The following SLC36A1 variants were observed in gnomAD, a reference collection of about 807,000 sequenced individuals.
SLC36A1 encodes the protein proton-coupled amino acid transporter 1.
A neutral mutation model predicts 47.5 loss-of-function variants in SLC36A1; 30 were observed. The observed-to-expected ratio is 0.63, with a 90% CI of 0.47 to 0.86. The LOEUF (loss-of-function observed/expected upper bound fraction) is 0.86. Ranked by LOEUF, SLC36A1 falls within the 40% of genes least tolerant of loss-of-function variation. SLC36A1 has a pLI of 0.00. For synonymous variants in SLC36A1, 255 were observed against 249.7 expected, an observed-to-expected ratio of 1.02 and a Z score of -0.20; for missense variants, 517 against 606.0, an observed-to-expected ratio of 0.85 and a Z score of 1.54.
At chr5:151,458,341 T>TA (rs1561738201) in intron 1 of SLC36A1, among the ~76,000 whole-genome samples, 7,064 of 108,100 alleles carry the variant, frequency 0.065, 641 homozygotes, top group African/African-American at 0.2. Flanking sequence ...TATGGGATAT[T>TA]TATATATATA....
chr5:151,433,245 T>TATA (rs1554105159), upstream of SLC36A1, among the ~76,000 whole-genome samples: 7 of 13,374 alleles, frequency 5.2e-4, no homozygotes, highest in East Asian at 9.1e-3. Context: ...TATATATATA[T>TATA]ATATATATAT....
the SLC36A1 span, among the ~76,000 whole-genome samples, chr5:151,533,768 A>G: frequency 1.3e-5 from 2 of 151,914 alleles, no homozygotes; most frequent in Non-Finnish European, 2.9e-5. Flanking sequence ...ATATATATAT[A>G]TCACATTAAT....
At chr5:151,418,449 G>T in the SLC36A1 span, among the ~76,000 whole-genome samples, 1 of 152,220 alleles carries the variant, frequency 6.6e-6, no homozygotes, top group Admixed American at 6.5e-5. Flanking sequence ...AAGACCATAG[G>T]AACCTACCAC....
chr5:151,363,902 T>G, the SLC36A1 span, among the ~76,000 whole-genome samples: 1 of 152,172 alleles, frequency 6.6e-6, no homozygotes, highest in Non-Finnish European at 1.5e-5. Context: ...GCAGAGATGA[T>G]TAGTGTCACA....
the SLC36A1 span, among the ~76,000 whole-genome samples, chr5:151,554,835 C>T: frequency 6.6e-6 from 1 of 152,058 alleles, no homozygotes; most frequent in Admixed American, 6.5e-5. Context: ...GGCAACTTTG[C>T]CCCTGGGAAA....
upstream of SLC36A1, among the ~76,000 whole-genome samples, chr5:151,433,267 T>TATATA (rs1421061752): frequency 6.5e-4 from 5 of 7,650 alleles, no homozygotes; most frequent in African/African-American, 1.5e-3. Context: ...TATATATATA[T>TATATA]TTTTTTTTTT....
At chr5:151,515,944 C>T in the SLC36A1 span, among the ~76,000 whole-genome samples, 1 of 152,210 alleles carries the variant, frequency 6.6e-6, no homozygotes, top group East Asian at 1.9e-4. Flanking sequence ...CCTACAAGAC[C>T]TTCATAGATA....
At chr5:151,464,389 A>T in intron 3 of SLC36A1, 125 bp from the exon 4 acceptor site, 1 of 758,594 alleles carries the variant, frequency 1.3e-6, no homozygotes, top group Non-Finnish European at 2.3e-6. Flanking sequence ...TGCTGGGCCC[A>T]AAGTTTTGTC....
chr5:151,497,301 A>G (rs1760373853), downstream of SLC36A1, among the ~76,000 whole-genome samples: 2 of 152,174 alleles, frequency 1.3e-5, no homozygotes, highest in Non-Finnish European at 2.9e-5. Context: ...AAAATCATGA[A>G]TGAGTACTGA....
chr5:151,350,110 C>T, the SLC36A1 span, among the ~76,000 whole-genome samples: 1 of 145,204 alleles, frequency 6.9e-6, no homozygotes, highest in East Asian at 1.9e-4. Flanking sequence ...ATTCATCACC[C>T]TATCCTCACC....
At chr5:151,347,475 C>A in the SLC36A1 span, 1 of 1,613,312 alleles carries the variant, frequency 6.2e-7, no homozygotes, top group South Asian at 1.1e-5. Context: ...GCTTAAGAAA[C>A]AAGGAGCTCG....
the SLC36A1 span, chr5:151,347,497 A>G: frequency 6.2e-7 from 1 of 1,611,640 alleles, no homozygotes; most frequent in African/African-American, 1.3e-5. Flanking sequence ...GGTGACAAAG[A>G]GGTCTGCTCT....
At chr5:151,543,900 T>G in the SLC36A1 span, 2 of 1,614,214 alleles carry the variant, frequency 1.2e-6, no homozygotes, top group Non-Finnish European at 1.7e-6. Flanking sequence ...GGGAGGTGTC[T>G]CTGCTGTCAG....
chr5:151,512,170 C>G, the SLC36A1 span: 1 of 1,611,612 alleles, frequency 6.2e-7, no homozygotes, highest in Non-Finnish European at 8.5e-7. The surrounding 1 kb of genome is among the most constrained non-coding windows in gnomAD (Gnocchi z 4.1). Context: ...CTCACCTGCC[C>G]CATGGGTCCA....
the SLC36A1 span, among the ~76,000 whole-genome samples, chr5:151,535,097 A>G: frequency 3.3e-5 from 5 of 151,404 alleles, no homozygotes; most frequent in Admixed American, 2.6e-4. Flanking sequence ...AAATCATCCT[A>G]TATGTCTTTC....
At chr5:151,408,311 C>G in the SLC36A1 span, among the ~76,000 whole-genome samples, 1 of 152,132 alleles carries the variant, frequency 6.6e-6, no homozygotes, top group East Asian at 1.9e-4. Context: ...GCCTCAGCCT[C>G]CCAAGTAGCT....
the SLC36A1 span, among the ~76,000 whole-genome samples, chr5:151,349,671 A>G: frequency 6.8e-4 from 104 of 152,314 alleles, no homozygotes; most frequent in African/African-American, 2.5e-3. Flanking sequence ...CAGCCTGCCC[A>G]CTAGACATCT....
upstream of SLC36A1, among the ~76,000 whole-genome samples, chr5:151,434,735 TGA>T (rs1439629437): frequency 6.6e-6 from 1 of 152,130 alleles, no homozygotes; most frequent in Non-Finnish European, 1.5e-5. Context: ...ATAAGAGACA[TGA>T]GAGAGTTTGT....
chr5:151,487,503 G>A (rs1214864933), intron 10 of SLC36A1, among the ~76,000 whole-genome samples: 2 of 152,326 alleles, frequency 1.3e-5, no homozygotes, highest in South Asian at 2.1e-4. Flanking sequence ...TTTTATCACG[G>A]TGTCTTTCCA....
Sources: allele counts gnomAD v4.1 joint callset (sites outside exome capture counted in the v4.1 genomes callset), GRCh38; gene constraint gnomAD v4.1.1; non-coding constraint Gnocchi (gnomAD v3.1); transcripts MANE v1.5; gene names NCBI Gene and HGNC (gene_info 2026-07-23, HGNC 2026-07-21).